MTOR: variants seen among roughly 807,000 people sequenced by gnomAD.
The protein encoded by MTOR is serine/threonine-protein kinase mTOR.
A neutral mutation model predicts 319.8 loss-of-function variants in MTOR; 70 were observed. That is an observed-to-expected ratio of 0.22 (90% CI 0.18 to 0.27). The LOEUF is 0.27. Among genes scored for constraint, MTOR ranks in the 10% least tolerant of loss-of-function variants. The pLI is 1.00. For missense variants in MTOR, 1,890 were observed against 3,274.4 expected (o/e 0.58, Z 10.32); for synonymous variants, 1,183 against 1,211.4 (o/e 0.98, Z 0.49).
Position 11,128,287 on chromosome 1 carries a change from T to C in MTOR, c.5911-161A>G, listed in dbSNP as rs554064080. The stretch of plus-strand genomic sequence containing the variant: ...AGTCTTCGAGGGAACGCTTTCTTTT[T>C]AGCAAGGCTCCCGGGCCCTCTGGGA... On this transcript the variant is annotated intron_variant, in intron 42 of 57. Coordinates refer to ENST00000361445, the MANE Select transcript of MTOR (RefSeq NM_004958.4). This position sits in a 1 kb window ranked among gnomAD's most constrained non-coding sequence, Gnocchi z 5.3. Among the ~76,000 whole-genome samples the C allele has an allele frequency of 6.6e-6, 1 of 152,350 alleles. No individual in the cohort carries two copies. The highest frequency in any genetic ancestry group is 6.5e-5 in the Admixed American group (1 of 15,308).
At chr1:11,240,241 T>C in intron 11 of MTOR, 62 bp downstream of exon 11, 1 of 1,509,678 alleles carries the variant, frequency 6.6e-7, no homozygotes. Flanking sequence ...GATACCTTCA[T>C]TCCTTTCCCA....
intron 29 of MTOR, among the ~76,000 whole-genome samples, chr1:11,165,696 T>TCC (rs1644621514): frequency 1.3e-5 from 2 of 151,882 alleles, no homozygotes; most frequent in Non-Finnish European, 2.9e-5. Context: ...TTCAATGCCA[T>TCC]CCCCATCAAG....
At chr1:11,197,635 A>G (rs541246436) in intron 28 of MTOR, among the ~76,000 whole-genome samples, 2 of 152,316 alleles carry the variant, frequency 1.3e-5, no homozygotes, top group South Asian at 2.1e-4. Context: ...TCCACCTCCC[A>G]GGTTCAAGCA....
At position 11,261,466 on chromosome 1, in the gene MTOR, C is replaced by T. The variant is rs1391668611; in HGVS notation, c.-15+979G>A. Among the ~76,000 whole-genome samples the T allele has an allele frequency of 3.9e-5, 6 of 151,968 alleles. No homozygotes were observed. In the South Asian group the frequency reaches 1.2e-3, roughly 32 times the overall value. On this transcript the variant is annotated intron_variant, in intron 1 of 57. Coordinates refer to ENST00000361445, the MANE Select transcript of MTOR (RefSeq NM_004958.4). ...CAGCCTGGGCGACAGAGCGAAACTC[C>T]GTCTCAAAACAAAACAAAAAACACC...
chr1:11,159,721 T>A (rs1337203429), intron 29 of MTOR, among the ~76,000 whole-genome samples: 3 of 152,140 alleles, frequency 2.0e-5, no homozygotes, highest in Non-Finnish European at 2.9e-5. Flanking sequence ...CTAGCCCTTC[T>A]GTGAGGCAAA....
At chr1:11,230,878 CTG>C (rs1553124359) in intron 18 of MTOR, 45 bp downstream of exon 18, 3 of 1,611,834 alleles carry the variant, frequency 1.9e-6, no homozygotes, top group Non-Finnish European at 2.5e-6. Context: ...AGCAAGGGCT[CTG>C]TGAGTGAGAA....
chr1:11,162,737 G>C (rs1644515915), intron 29 of MTOR, among the ~76,000 whole-genome samples: 1 of 152,312 alleles, frequency 6.6e-6, no homozygotes, highest in Admixed American at 6.5e-5. Flanking sequence ...CAAATGCTGA[G>C]AGATTTTGTC....
chr1:11,137,852 G>A (rs937108419), intron 36 of MTOR, among the ~76,000 whole-genome samples: 2 of 152,178 alleles, frequency 1.3e-5, no homozygotes, highest in Admixed American at 6.5e-5. Context: ...TGCCTCAGGC[G>A]AGGCAGAGCA....
chr1:11,139,065 A>C, intron 36 of MTOR: 1 of 477,116 alleles, frequency 2.1e-6, no homozygotes, highest in Admixed American at 4.0e-5. Flanking sequence ...TCTAGATACA[A>C]ATACATATAA....
At chr1:11,210,780 A>C in intron 24 of MTOR, 34 bp downstream of exon 24, 1 of 1,454,298 alleles carries the variant, frequency 6.9e-7, no homozygotes, top group Middle Eastern at 1.8e-4. Context: ...TAAAGACAAC[A>C]GGGACTTCAG....
chr1:11,114,759 G>T, intron 52 of MTOR, 54 bp downstream of exon 52: 1 of 1,543,062 alleles, frequency 6.5e-7, no homozygotes, highest in Non-Finnish European at 9.0e-7. Context: ...TTCTCAGAAG[G>T]CTGTAACTGT....
chr1:11,113,343 G>T (rs549634926), intron 53 of MTOR, among the ~76,000 whole-genome samples: 43 of 151,936 alleles, frequency 2.8e-4, no homozygotes, highest in African/African-American at 1.0e-3. Flanking sequence ...GGTTAATACT[G>T]AAGAATATTT....
chr1:11,198,917 C>T (rs542382051), intron 28 of MTOR, among the ~76,000 whole-genome samples: 1 of 152,330 alleles, frequency 6.6e-6, no homozygotes, highest in Admixed American at 6.5e-5. Context: ...ACATTCTACT[C>T]CAGCTCTAGA....
intron 30 of MTOR, among the ~76,000 whole-genome samples, chr1:11,151,952 C>T (rs191319558): frequency 1.1e-4 from 16 of 152,308 alleles, no homozygotes; most frequent in Admixed American, 5.2e-4. Flanking sequence ...AAGTTCAGTG[C>T]TGAAATCCCA....
At chr1:11,202,280 T>A (rs143276041) in intron 26 of MTOR, among the ~76,000 whole-genome samples, 1 of 151,774 alleles carries the variant, frequency 6.6e-6, no homozygotes, top group African/African-American at 2.4e-5. Flanking sequence ...GTACAAAAAA[T>A]TGGCCAGGTG....
chr1:11,107,781 T>A (rs1641649794), intron 57 of MTOR, among the ~76,000 whole-genome samples: 1 of 152,186 alleles, frequency 6.6e-6, no homozygotes, highest in African/African-American at 2.4e-5. Context: ...GCCCTTGAGG[T>A]TAGACTCCCA....
intron 49 of MTOR, among the ~76,000 whole-genome samples, chr1:11,120,004 AG>A (rs1323829137): frequency 6.7e-6 from 1 of 148,882 alleles, no homozygotes; most frequent in East Asian, 2.0e-4. Flanking sequence ...CCAAGGCAGG[AG>A]GATAGCTTAA....
chr1:11,114,181 A>G (rs1469011871), intron 53 of MTOR, 137 bp downstream of exon 53: 12 of 1,007,308 alleles, frequency 1.2e-5, no homozygotes, highest in Non-Finnish European at 1.6e-5. Context: ...GTTTTTGCAG[A>G]AAGGGGTCTT....
intron 20 of MTOR, among the ~76,000 whole-genome samples, chr1:11,215,917 A>G (rs1646455379): frequency 6.6e-6 from 1 of 152,190 alleles, no homozygotes; most frequent in Non-Finnish European, 1.5e-5. Context: ...TGGCAGAACA[A>G]TTACTGCAGG....
Sources: allele counts gnomAD v4.1 joint callset (sites outside exome capture counted in the v4.1 genomes callset), GRCh38; gene constraint gnomAD v4.1.1; non-coding constraint Gnocchi (gnomAD v3.1); transcripts MANE v1.5; gene names NCBI Gene and HGNC (gene_info 2026-07-23, HGNC 2026-07-21).